The following PPARD variants were observed in gnomAD, a reference collection of about 807,000 sequenced individuals.
PPARD encodes the protein peroxisome proliferator activated receptor delta, also known as peroxisome proliferator-activated receptor delta.
In PPARD, 6 loss-of-function variants were observed where a neutral mutation model predicts 39.5. The ratio of observed to expected loss-of-function variants is 0.15; its 90% confidence interval spans 0.08 to 0.30. The LOEUF (loss-of-function observed/expected upper bound fraction) is 0.30. PPARD is among the 10% of genes least tolerant of loss of function. PPARD has a pLI of 1.00. For synonymous variants in PPARD, 210 were observed against 231.3 expected (o/e 0.91, Z 0.83); for missense variants, 397 against 596.8 (o/e 0.67, Z 3.49).
chr6:35,416,374 CAAAAAAAAAAAAAAAAAAAAA>C lies in PPARD; in HGVS notation c.131-3737_131-3717del, dbSNP rs1170617869. On this transcript the variant is annotated intron_variant, in intron 3 of 7. Transcript: ENST00000360694. ...GGGGAACAAAAGCGAGACTTCATCT[CAAAAAAAAAAAAAAAAAAAAA>C]AAAAAAAAAAAAAAACACCTTCTTA... is the stretch of plus-strand genomic sequence containing the variant. Among the ~76,000 whole-genome samples, 51 of 52,614 alleles carry C rather than the reference CAAAAAAAAAAAAAAAAAAAAA, an allele frequency of 9.7e-4. No individual in the cohort carries two copies. In the East Asian group the frequency reaches 0.035, roughly 36 times the overall value. 34.5% of individuals were successfully genotyped at this position (52,614 alleles called of 152,430 possible). A position where few individuals can be genotyped will look rare whatever the true frequency, so the allele number is the denominator to read the frequency against.
Position 35,425,104 on chromosome 6 carries a change from C to G in PPARD, c.1078+325C>G. 1.1e-6 allele frequency: 1 copy of G among 906,738 alleles called. No homozygotes were observed. The allele number at this position is 906,738 out of a possible 1,614,324, so 56.2% of individuals were successfully genotyped here. A position where few individuals can be genotyped will look rare whatever the true frequency, so the allele number is the denominator to read the frequency against. ...CCTGGCCAACATGGTGAAACCCCGT[C>G]TCTACTAAAAATACAAAAAATTAGC... is the stretch of plus-strand genomic sequence containing the variant. On this transcript the variant is annotated intron_variant, in intron 7 of 7. Coordinates refer to ENST00000360694, the MANE Select transcript of PPARD (RefSeq NM_006238.5). This position sits in a 1 kb window ranked among gnomAD's most constrained non-coding sequence, Gnocchi z 4.5.
At chr6:35,398,971 C>T (rs1384435513) in intron 2 of PPARD, among the ~76,000 whole-genome samples, 1 of 151,772 alleles carries the variant, frequency 6.6e-6, no homozygotes, top group Non-Finnish European at 1.5e-5. Context: ...AAAAATTAGC[C>T]GGGCGTGGTG....
chr6:35,386,680 G>A (rs2150635520), intron 2 of PPARD, among the ~76,000 whole-genome samples: 1 of 152,208 alleles, frequency 6.6e-6, no homozygotes, highest in South Asian at 2.1e-4. Flanking sequence ...GGCAGTGGGA[G>A]TTTGTTGATA....
intron 2 of PPARD, among the ~76,000 whole-genome samples, chr6:35,383,194 C>T (rs1039302930): frequency 2.0e-5 from 3 of 152,148 alleles, no homozygotes; most frequent in African/African-American, 7.2e-5. Flanking sequence ...TGCTGGAGTT[C>T]AGCCTGTGTG....
intron 2 of PPARD, among the ~76,000 whole-genome samples, chr6:35,386,351 T>C: frequency 7.8e-6 from 1 of 128,610 alleles, no homozygotes; most frequent in African/African-American, 3.0e-5. Context: ...GTGAGCCAGG[T>C]GTGGCAGTAC....
At chr6:35,344,873 C>T (rs1157393942) in intron 1 of PPARD, among the ~76,000 whole-genome samples, 1 of 152,202 alleles carries the variant, frequency 6.6e-6, no homozygotes, top group Non-Finnish European at 1.5e-5. Flanking sequence ...CCCCAGACCC[C>T]CTTTGCAGCA....
chr6:35,381,749 T>C (rs148253337), intron 2 of PPARD, among the ~76,000 whole-genome samples: 4 of 152,336 alleles, frequency 2.6e-5, no homozygotes, highest in African/African-American at 7.2e-5. Context: ...TGAGGTAGAA[T>C]TGGGATTCTG....
At chr6:35,354,072 A>G (rs561420522) in intron 2 of PPARD, among the ~76,000 whole-genome samples, 2 of 151,906 alleles carry the variant, frequency 1.3e-5, no homozygotes, top group Admixed American at 6.6e-5. Context: ...CTCTACTAAA[A>G]ATACAAAAAA....
chr6:35,398,441 G>A (rs1159549079), intron 2 of PPARD, among the ~76,000 whole-genome samples: 1 of 152,202 alleles, frequency 6.6e-6, no homozygotes, highest in Non-Finnish European at 1.5e-5. Flanking sequence ...GAAGGTAAAG[G>A]GCTCGGTTTT....
Position 35,407,031 on chromosome 6 carries a change from G to A in PPARD, c.-101-3956G>A, listed in dbSNP as rs947737962. On this transcript the variant is annotated intron_variant, in intron 2 of 7. Coordinates refer to ENST00000360694, the MANE Select transcript of PPARD (RefSeq NM_006238.5). ...ATGGGGGCTGGCGAGGCTTGAGTGG[G>A]AGCGTGACGCATAGTGGGAGCTCAG... 2.6e-5 allele frequency among the ~76,000 whole-genome samples: 4 copies of A among 152,312 alleles called. No homozygotes were observed. In the East Asian group the frequency reaches 7.7e-4, roughly 29 times the overall value.
intron 3 of PPARD, among the ~76,000 whole-genome samples, chr6:35,418,456 T>G (rs559341831): frequency 1.3e-5 from 2 of 152,356 alleles, no homozygotes; most frequent in South Asian, 2.1e-4. Flanking sequence ...GCGTGCCTGC[T>G]GCGTGCCCAG....
intron 2 of PPARD, among the ~76,000 whole-genome samples, chr6:35,353,951 C>T (rs544756596): frequency 1.3e-5 from 2 of 152,208 alleles, no homozygotes; most frequent in South Asian, 2.1e-4. Flanking sequence ...AAGCCATACA[C>T]GGCTGGGCGC....
chr6:35,427,608 C>T lies in PPARD; in HGVS notation c.*1529C>T, dbSNP rs552412509. On this transcript the variant is annotated 3_prime_UTR_variant, in exon 8 of 8. Transcript: ENST00000360694. ...GCTGGTCCCTGCCCTCCCCTGCTCC[C>T]AGGTTGAGGTGCGCTCACCTCAGAG... 2 of 152,494 alleles carry T rather than the reference C, an allele frequency of 1.3e-5. No individual in the cohort carries two copies. Among genetic ancestry groups the T allele is most frequent in the Admixed American group, 1.3e-4 (2 of 15,306 alleles). The allele number at this position is 152,494 out of a possible 1,614,324, so 9.4% of individuals were successfully genotyped here. A position where few individuals can be genotyped will look rare whatever the true frequency, so the allele number is the denominator to read the frequency against.
Position 35,421,963 on chromosome 6 carries a change from G to A in PPARD, c.424+5G>A. The A allele has an allele frequency of 6.2e-7, 1 of 1,603,104 alleles. No individual in the cohort carries two copies. Among genetic ancestry groups the A allele is most frequent in the Non-Finnish European group, 8.5e-7 (1 of 1,173,606 alleles). ...CACTGGGCATGTCACACAACGGTGAGAGCTGACCAGGGCAACTCACGGGCT... is the reference window on the plus strand; with the variant it reads ...CACTGGGCATGTCACACAACGGTGAAAGCTGACCAGGGCAACTCACGGGCT... On this transcript the variant is annotated splice_donor_5th_base_variant and intron_variant, in intron 5 of 7. Coordinates refer to ENST00000360694, the MANE Select transcript of PPARD (RefSeq NM_006238.5).
intron 2 of PPARD, 104 bp from the exon 3 acceptor site, chr6:35,410,880 CAGA>C: frequency 1.6e-6 from 2 of 1,217,712 alleles, no homozygotes; most frequent in Non-Finnish European, 2.1e-6. Flanking sequence ...GGAGCAGGAG[CAGA>C]AGAACCCCCT....
rs2150520580 is a variant in PPARD at position 35,366,804 on chromosome 6, C to T, written c.-102+19654C>T. 1.3e-5 allele frequency among the ~76,000 whole-genome samples: 2 copies of T among 152,284 alleles called. No homozygotes were observed. On this transcript the variant is annotated intron_variant, in intron 2 of 7. Transcript: ENST00000360694. The surrounding 1 kb of genome is among the most constrained non-coding windows in gnomAD (Gnocchi z 4.6). The stretch of plus-strand genomic sequence containing the variant: ...GCCTCAAGTAATCCACCCACTTTGG[C>T]CTCCCAAAGTGCTGGGATTATGGGC...
intron 2 of PPARD, among the ~76,000 whole-genome samples, chr6:35,410,009 C>T (rs1202599826): frequency 6.6e-6 from 1 of 152,140 alleles, no homozygotes; most frequent in African/African-American, 2.4e-5. Context: ...TCTGATCACT[C>T]CAGGTTCTGG....
At chr6:35,406,335 G>T (rs530091393) in intron 2 of PPARD, among the ~76,000 whole-genome samples, 3 of 152,210 alleles carry the variant, frequency 2.0e-5, no homozygotes, top group Non-Finnish European at 4.4e-5. Flanking sequence ...TAGACAGTGG[G>T]CCTAGGTCCA....
intron 2 of PPARD, among the ~76,000 whole-genome samples, chr6:35,388,012 A>G (rs915524095): frequency 5.5e-5 from 8 of 146,356 alleles, no homozygotes; most frequent in African/African-American, 2.1e-4. Context: ...GCGAGCCACC[A>G]CACCTGGCCA....
Sources: gnomAD v4.1 joint callset for allele counts (sites outside exome capture counted in the v4.1 genomes callset) on GRCh38, gnomAD v4.1.1 for gene constraint, Gnocchi (gnomAD v3.1) non-coding constraint, MANE v1.5 for transcripts, NCBI Gene and HGNC (gene_info 2026-07-23, HGNC 2026-07-21) for gene names.